The following SAP130 variants were observed in gnomAD, a reference collection of about 807,000 sequenced individuals.
The protein encoded by SAP130 is Sin3A associated protein 130, also known as histone deacetylase complex subunit SAP130.
A neutral mutation model predicts 103.2 loss-of-function variants in SAP130; 16 were observed. The observed-to-expected ratio is 0.16, with a 90% confidence interval of 0.10 to 0.24. The LOEUF (loss-of-function observed/expected upper bound fraction) is 0.24, where lower values mean the gene tolerates loss of function less well. Ranked by LOEUF, SAP130 falls within the 10% of genes least tolerant of loss-of-function variation. The probability of loss-of-function intolerance (pLI) is 1.00; values close to 1 mark genes in which losing one functional copy is unlikely to be tolerated. For synonymous variants in SAP130, 477 were observed against 497.0 expected, an observed-to-expected ratio of 0.96 and a Z score of 0.53; for missense variants, 990 against 1,359.7, an observed-to-expected ratio of 0.73 and a Z score of 4.28.
intron 1 of SAP130, among the ~76,000 whole-genome samples, chr2:128,026,551 TA>T (rs766179115): frequency 6.6e-6 from 1 of 152,186 alleles, no homozygotes; most frequent in Non-Finnish European, 1.5e-5. Context: ...ATTGCTATGC[TA>T]AAAAAATCAC....
chr2:127,974,911 C>T (rs556408800), intron 15 of SAP130, among the ~76,000 whole-genome samples: 2 of 152,298 alleles, frequency 1.3e-5, no homozygotes, highest in African/African-American at 4.8e-5. Context: ...AAGTCCTGTA[C>T]AGATTTTTAG....
intron 7 of SAP130, 151 bp from the exon 8 acceptor site, chr2:128,000,605 T>G: frequency 1.2e-6 from 1 of 808,026 alleles, no homozygotes; most frequent in South Asian, 1.9e-5. Context: ...TGGCAAAAGG[T>G]GCACTGAGTT....
intron 7 of SAP130, among the ~76,000 whole-genome samples, 157 bp from the exon 8 acceptor site, chr2:128,000,611 G>A (rs1683489208): frequency 1.3e-5 from 2 of 152,190 alleles, no homozygotes; most frequent in African/African-American, 4.8e-5. Context: ...AAGGTGCACT[G>A]AGTTTGTCTT....
chr2:127,956,652 T>G (rs979830453), intron 15 of SAP130, among the ~76,000 whole-genome samples: 1 of 141,552 alleles, frequency 7.1e-6, no homozygotes, highest in Non-Finnish European at 1.5e-5. Flanking sequence ...TGTAGACATA[T>G]GTAACAAACC....
chr2:127,969,536 G>C (rs1055961239), intron 15 of SAP130, among the ~76,000 whole-genome samples: 1 of 152,188 alleles, frequency 6.6e-6, no homozygotes, highest in African/African-American at 2.4e-5. Flanking sequence ...TAGATTGCTA[G>C]AGCTACCACA....
At chr2:127,984,642 T>C (rs190573588) in intron 14 of SAP130, among the ~76,000 whole-genome samples, 1 of 152,298 alleles carries the variant, frequency 6.6e-6, no homozygotes, top group East Asian at 1.9e-4. Flanking sequence ...TCTCATTTTC[T>C]ATCTAGAATC....
Position 127,996,665 on chromosome 2 carries a change from A to C in SAP130, c.1214-174T>G, listed in dbSNP as rs565687663. On this transcript the variant is annotated intron_variant, in intron 10 of 20. Transcript: ENST00000643581. The surrounding 1 kb of genome is among the most constrained non-coding windows in gnomAD (Gnocchi z 4.3). ...AGTTCAACAGAATTATTTCAATCCT[A>C]TCATTCACTGATATACTCCTACTGT... 6.6e-6 allele frequency among the ~76,000 whole-genome samples: 1 copy of C among 152,362 alleles called. No homozygotes were observed. Among genetic ancestry groups the C allele is most frequent in the South Asian group, 2.1e-4 (1 of 4,832 alleles).
chr2:127,975,245 A>G (rs1287202540), intron 15 of SAP130, among the ~76,000 whole-genome samples: 1 of 152,236 alleles, frequency 6.6e-6, no homozygotes, highest in Non-Finnish European at 1.5e-5. Context: ...CTAGTGATAA[A>G]CCAATGTGAA....
intron 15 of SAP130, among the ~76,000 whole-genome samples, chr2:127,973,418 GA>G (rs1681230814): frequency 6.6e-6 from 1 of 152,208 alleles, no homozygotes; most frequent in African/African-American, 2.4e-5. Flanking sequence ...TTTTAGTAGA[GA>G]GGGGGTTTCT....
chr2:128,010,500 C>T, intron 6 of SAP130, 107 bp from the exon 7 acceptor site: 3 of 1,087,524 alleles, frequency 2.8e-6, no homozygotes, highest in South Asian at 1.7e-5. Context: ...CATGTTTCTG[C>T]CCAAGTAAAA....
intron 15 of SAP130, among the ~76,000 whole-genome samples, chr2:127,960,993 CTTTTTTTT>C (rs772565129): frequency 7.3e-6 from 1 of 137,258 alleles, no homozygotes; most frequent in African/African-American, 2.7e-5. Context: ...TTCTTTCTTT[CTTTTTTTT>C]TTTTTTTTGA....
chr2:128,012,943 A>G (rs1684508324), intron 6 of SAP130, 87 bp downstream of exon 6: 1 of 1,298,888 alleles, frequency 7.7e-7, no homozygotes, highest in East Asian at 2.7e-5. Flanking sequence ...ACTAGATGGA[A>G]AGTCCCTGAG....
intron 18 of SAP130, among the ~76,000 whole-genome samples, chr2:127,947,915 G>T (rs1298300994): frequency 4.6e-5 from 7 of 152,064 alleles, no homozygotes. Flanking sequence ...TCAGCCTCCT[G>T]AATAGTTGAA....
intron 12 of SAP130, 63 bp downstream of exon 12, chr2:127,993,124 T>C (rs1180784288): frequency 1.3e-6 from 2 of 1,583,550 alleles, no homozygotes; most frequent in Admixed American, 1.7e-5. Flanking sequence ...CCCTCATCAA[T>C]TTCTACATTA....
At position 128,015,886 on chromosome 2, in the gene SAP130, A is replaced by G. The variant is rs1053540863; in HGVS notation, c.507+503T>C. On this transcript the variant is annotated intron_variant, in intron 4 of 20. Transcript: ENST00000643581. ...AACACGGGACGTGGACGTTGCTGTG[A>G]GCCAAGACTGCACCACTACACTCCA... is the stretch of plus-strand genomic sequence containing the variant. Among the ~76,000 whole-genome samples, 4 of 150,294 alleles carry G rather than the reference A, an allele frequency of 2.7e-5. No homozygotes were observed. The East Asian group carries it at 7.8e-4, about 29-fold the overall frequency.
In SAP130 at chr2:127,993,340, T is replaced by C. The variant is rs377017295; in HGVS notation, c.1356-32A>G. 5.3e-5 allele frequency: 83 copies of C among 1,575,310 alleles called. 3 individuals are homozygous for C. In the South Asian group the frequency reaches 7.2e-4, roughly 14 times the overall value. ...ACAGAACAGATGATAGCAAACAAAA[T>C]AGTCATTTTCTTCTTTACTTTCAAA... On this transcript the variant is annotated intron_variant, in intron 11 of 20. Coordinates refer to ENST00000643581, the MANE Select transcript of SAP130 (RefSeq NM_001330301.2).
chr2:128,018,796 C>CAAAAA (rs148929300), intron 2 of SAP130, among the ~76,000 whole-genome samples: 2 of 98,122 alleles, frequency 2.0e-5, no homozygotes, highest in Non-Finnish European at 2.1e-5. Context: ...GACTTTGTCT[C>CAAAAA]AAAAAAAAAA....
chr2:127,997,760 T>C (rs1310705165), intron 10 of SAP130, among the ~76,000 whole-genome samples: 5 of 152,104 alleles, frequency 3.3e-5, no homozygotes, highest in East Asian at 1.9e-4. Context: ...TAACCAGCGG[T>C]TGGTAACCAG....
chr2:127,958,463 C>G (rs1340880542), intron 15 of SAP130, among the ~76,000 whole-genome samples: 1 of 152,152 alleles, frequency 6.6e-6, no homozygotes, highest in Non-Finnish European at 1.5e-5. Context: ...ACATTGAGAA[C>G]AAAGATCATT....
Sources: gnomAD v4.1 joint callset for allele counts (sites outside exome capture counted in the v4.1 genomes callset) on GRCh38, gnomAD v4.1.1 for gene constraint, Gnocchi (gnomAD v3.1) non-coding constraint, MANE v1.5 for transcripts, NCBI Gene and HGNC (gene_info 2026-07-23, HGNC 2026-07-21) for gene names.